STK32B: variants seen among roughly 807,000 people sequenced by gnomAD.
The protein encoded by STK32B is serine/threonine kinase 32B.
STK32B carries 43 observed loss-of-function variants against 52.6 expected under a neutral mutation model. The observed-to-expected ratio is 0.82, with a 90% CI of 0.64 to 1.05. The LOEUF (loss-of-function observed/expected upper bound fraction) is 1.05, where lower values mean the gene tolerates loss of function less well. Ranked by LOEUF, STK32B falls within the 50% of genes least tolerant of loss-of-function variation. The pLI is 0.00. For synonymous variants in STK32B, 238 were observed against 204.3 expected (o/e 1.17, Z -1.41); for missense variants, 621 against 534.6 (o/e 1.16, Z -1.59).
intron 2 of STK32B, among the ~76,000 whole-genome samples, chr4:5,160,381 A>G (rs1483519753): frequency 6.6e-6 from 1 of 152,184 alleles, no homozygotes; most frequent in Non-Finnish European, 1.5e-5. Context: ...GAAAACTACC[A>G]GTGTGTCAAC....
chr4:5,051,401 G>A, upstream of STK32B: 1 of 177,890 alleles, frequency 5.6e-6, no homozygotes, highest in Non-Finnish European at 1.2e-5. Flanking sequence ...ATTCTTCCGG[G>A]CCGATCCCTT....
At chr4:5,177,409 A>G (rs1014823677) in intron 3 of STK32B, among the ~76,000 whole-genome samples, 1 of 152,166 alleles carries the variant, frequency 6.6e-6, no homozygotes, top group Non-Finnish European at 1.5e-5. Context: ...CTCCCATGAC[A>G]TGTGGGCATT....
At chr4:5,142,930 T>C (rs892864617) in intron 2 of STK32B, among the ~76,000 whole-genome samples, 2 of 152,188 alleles carry the variant, frequency 1.3e-5, no homozygotes, top group African/African-American at 4.8e-5. Context: ...CTGACTTCCC[T>C]GATGAAGGAG....
intron 6 of STK32B, 115 bp from the exon 7 acceptor site, chr4:5,446,558 A>G: frequency 1.1e-6 from 1 of 950,346 alleles, no homozygotes; most frequent in Non-Finnish European, 1.6e-6. Context: ...CTCTATCTCA[A>G]AAAAAAACAA....
At chr4:5,351,914 C>T (rs1733849936) in intron 4 of STK32B, among the ~76,000 whole-genome samples, 1 of 151,936 alleles carries the variant, frequency 6.6e-6, no homozygotes, top group African/African-American at 2.4e-5. Flanking sequence ...AAATGGAAAA[C>T]CTGGGCAGAC....
At chr4:5,376,745 C>G (rs1031373206) in intron 4 of STK32B, among the ~76,000 whole-genome samples, 1 of 152,168 alleles carries the variant, frequency 6.6e-6, no homozygotes, top group Admixed American at 6.5e-5. Context: ...ACCCCGCACT[C>G]TCCAATGCCA....
chr4:5,267,500 T>C (rs1337490018), intron 3 of STK32B, among the ~76,000 whole-genome samples: 1 of 152,090 alleles, frequency 6.6e-6, no homozygotes, highest in East Asian at 1.9e-4. Context: ...ACAGCTCCCC[T>C]AGGAGAGTGT....
intron 11 of STK32B, among the ~76,000 whole-genome samples, chr4:5,471,314 G>A (rs995933150): frequency 1.3e-5 from 2 of 152,152 alleles, no homozygotes; most frequent in African/African-American, 4.8e-5. Context: ...GGAGTAGGGT[G>A]GGTGCCTAAT....
intron 3 of STK32B, among the ~76,000 whole-genome samples, chr4:5,309,164 C>T (rs1455513936): frequency 6.6e-6 from 1 of 151,804 alleles, no homozygotes; most frequent in Non-Finnish European, 1.5e-5. Context: ...CAAAATAATA[C>T]ATATAAATAA....
intron 2 of STK32B, among the ~76,000 whole-genome samples, chr4:5,163,452 C>A (rs1718606090): frequency 1.3e-5 from 2 of 151,616 alleles, no homozygotes; most frequent in African/African-American, 4.8e-5. Flanking sequence ...GGCAGTAGGT[C>A]AGGGAAGGAG....
In STK32B at chr4:5,394,463, G is replaced by T. The variant is rs1332905585; in HGVS notation, c.435-3744G>T. On this transcript the variant is annotated intron_variant, in intron 4 of 11. Coordinates refer to ENST00000282908, the MANE Select transcript of STK32B (RefSeq NM_018401.3). The surrounding 1 kb of genome is among the most constrained non-coding windows in gnomAD (Gnocchi z 4.2). The stretch of plus-strand genomic sequence containing the variant: ...CTGGCTAAACTAAAGGCTCTGCTAA[G>T]ATGCTTTACCCATAAAATGCTATTC... Among the ~76,000 whole-genome samples the T allele has an allele frequency of 6.6e-6, 1 of 152,218 alleles. No individual in the cohort carries two copies. Among genetic ancestry groups the T allele is most frequent in the African/African-American group, 2.4e-5 (1 of 41,462 alleles).
intron 11 of STK32B, among the ~76,000 whole-genome samples, chr4:5,493,391 T>C (rs1719919364): frequency 6.6e-6 from 1 of 152,206 alleles, no homozygotes; most frequent in African/African-American, 2.4e-5. Context: ...TATTCTCTGA[T>C]GGTAGTTTGT....
chr4:5,374,460 T>G (rs1735451354), intron 4 of STK32B, among the ~76,000 whole-genome samples: 1 of 152,228 alleles, frequency 6.6e-6, no homozygotes, highest in Non-Finnish European at 1.5e-5. Flanking sequence ...ATTGATGTCT[T>G]AGCCCATTCA....
intron 6 of STK32B, among the ~76,000 whole-genome samples, chr4:5,430,233 G>C (rs562540685): frequency 6.6e-6 from 1 of 152,092 alleles, no homozygotes; most frequent in African/African-American, 2.4e-5. Context: ...TGAGATGTTT[G>C]ATATTTTCCC....
intron 11 of STK32B, among the ~76,000 whole-genome samples, chr4:5,495,905 G>C (rs1439765406): frequency 6.6e-6 from 1 of 152,226 alleles, no homozygotes; most frequent in African/African-American, 2.4e-5. Context: ...TTCCTGAACT[G>C]CGAATGCTGC....
At chr4:5,275,358 G>A (rs1399804820) in intron 3 of STK32B, among the ~76,000 whole-genome samples, 1 of 152,088 alleles carries the variant, frequency 6.6e-6, no homozygotes, top group African/African-American at 2.4e-5. Flanking sequence ...TTTTCCAGTC[G>A]TGATTTTAAG....
chr4:5,303,611 G>C (rs1378186662), intron 3 of STK32B, among the ~76,000 whole-genome samples: 1 of 152,026 alleles, frequency 6.6e-6, no homozygotes, highest in Non-Finnish European at 1.5e-5. Flanking sequence ...ACATTGCAAA[G>C]ATTTTCTGTC....
chr4:5,103,231 A>G (rs1713920093), intron 1 of STK32B, among the ~76,000 whole-genome samples: 1 of 152,008 alleles, frequency 6.6e-6, no homozygotes, highest in Non-Finnish European at 1.5e-5. Flanking sequence ...ACACCAGTGT[A>G]CCCTGCCCTC....
intron 5 of STK32B, among the ~76,000 whole-genome samples, chr4:5,408,456 A>G (rs1162018966): frequency 6.6e-6 from 1 of 152,164 alleles, no homozygotes; most frequent in African/African-American, 2.4e-5. Context: ...AGGCCTCTCC[A>G]GAAACCAAGG....
Sources: gnomAD v4.1 joint callset for allele counts (sites outside exome capture counted in the v4.1 genomes callset) on GRCh38, gnomAD v4.1.1 for gene constraint, Gnocchi (gnomAD v3.1) non-coding constraint, MANE v1.5 for transcripts, NCBI Gene and HGNC (gene_info 2026-07-23, HGNC 2026-07-21) for gene names.